Variants in RSPH14 observed in about 807,000 individuals in gnomAD.
The protein encoded by RSPH14 is rhabdoid tumor deletion region gene 1.
In RSPH14, 20 loss-of-function variants were observed where a neutral mutation model predicts 26.7. The observed-to-expected ratio is 0.75, with a 90% CI of 0.53 to 1.09. RSPH14 has a LOEUF of 1.09. Among genes scored for constraint, RSPH14 ranks in the 50% least tolerant of loss-of-function variants. The probability of loss-of-function intolerance (pLI) is 0.00; values close to 1 mark genes in which losing one functional copy is unlikely to be tolerated. For synonymous variants in RSPH14, 177 were observed against 189.3 expected (o/e 0.93, Z 0.53); for missense variants, 449 against 457.2 (o/e 0.98, Z 0.16).
chr22:23,083,922 T>C (rs570282265), intron 4 of RSPH14, among the ~76,000 whole-genome samples: 1 of 152,318 alleles, frequency 6.6e-6, no homozygotes, highest in Admixed American at 6.5e-5. Flanking sequence ...AGGTTCTCCC[T>C]GGGCTTCACA....
At chr22:23,119,070 C>T (rs750261049) in intron 4 of RSPH14, among the ~76,000 whole-genome samples, 36 of 152,238 alleles carry the variant, frequency 2.4e-4, no homozygotes, top group Non-Finnish European at 4.9e-4. Context: ...TTCCCATATG[C>T]ATGCTTGAGT....
chr22:23,158,340 C>T, the RSPH14 span, among the ~76,000 whole-genome samples: 35 of 152,336 alleles, frequency 2.3e-4, no homozygotes, highest in Non-Finnish European at 4.6e-4. Flanking sequence ...GTTGCAAGTC[C>T]GGATACTTTT....
intron 4 of RSPH14, among the ~76,000 whole-genome samples, chr22:23,092,324 G>A (rs1423504748): frequency 1.3e-5 from 2 of 152,118 alleles, no homozygotes; most frequent in African/African-American, 4.8e-5. Context: ...GGCTCCCAAC[G>A]CAAGGCTTCC....
rs1299562460 is a variant in RSPH14 at position 23,140,303 on chromosome 22, G to A, written c.118C>T (p.Leu40Phe). 6.2e-7 allele frequency: 1 copy of A among 1,614,092 alleles called. No individual in the cohort carries two copies. The highest frequency in any genetic ancestry group is 1.3e-5 in the African/African-American group (1 of 74,928). Residue 40 changes from leucine (L) to phenylalanine (F), a missense_variant, in exon 2 of 7, where the codon CTC becomes TTC. Coordinates refer to ENST00000216036, the MANE Select transcript of RSPH14 (RefSeq NM_014433.3). ...ATGAGGGCTTTCTGCCTCGTCTGGA[G>A]GTCCTCTGACTGCAGCTCCTCCTTC... ...KLKEELQSED[L>F]QTRQKALMAL... is the part of the protein sequence containing the mutation.
chr22:23,070,925 G>C (rs1186708011), intron 4 of RSPH14, among the ~76,000 whole-genome samples: 1 of 152,068 alleles, frequency 6.6e-6, no homozygotes, highest in Non-Finnish European at 1.5e-5. Context: ...TGCGGAGCCC[G>C]GGCGGGCCAG....
the RSPH14 span, chr22:23,179,843 C>A: frequency 0.023 from 4,863 of 213,258 alleles, 257 homozygotes; most frequent in African/African-American, 0.11. Flanking sequence ...GTGAGTTGGG[C>A]CCTGCTGGGT....
chr22:23,121,720 CTTTTTTTTTT>C (rs10598505), intron 4 of RSPH14, among the ~76,000 whole-genome samples: 1 of 123,184 alleles, frequency 8.1e-6, no homozygotes, highest in Non-Finnish European at 1.7e-5. Flanking sequence ...AGAAAAGTTC[CTTTTTTTTTT>C]TTTTTTTTTG....
chr22:23,094,244 G>C (rs1180548798), intron 4 of RSPH14, among the ~76,000 whole-genome samples: 1 of 152,144 alleles, frequency 6.6e-6, no homozygotes, highest in African/African-American at 2.4e-5. Context: ...GTGTGAGTTG[G>C]GTGGGGCCTG....
At chr22:23,074,298 CT>C (rs1417357051) in intron 4 of RSPH14, among the ~76,000 whole-genome samples, 1 of 152,204 alleles carries the variant, frequency 6.6e-6, no homozygotes, top group Non-Finnish European at 1.5e-5. Flanking sequence ...GGCAGAGAGG[CT>C]GCTGACCCAG....
chr22:23,102,817 C>T (rs967262682), intron 4 of RSPH14, among the ~76,000 whole-genome samples: 2 of 152,236 alleles, frequency 1.3e-5, no homozygotes, highest in Admixed American at 6.5e-5. Context: ...GTCTCTTCCA[C>T]CATGATGACG....
At chr22:23,101,980 G>A (rs2069314724) in intron 4 of RSPH14, among the ~76,000 whole-genome samples, 2 of 152,222 alleles carry the variant, frequency 1.3e-5, no homozygotes, top group Admixed American at 1.3e-4. Context: ...TCTATGGCCT[G>A]TTATCCTACC....
At chr22:23,126,553 T>C (rs1182106312) in intron 4 of RSPH14, among the ~76,000 whole-genome samples, 1 of 152,218 alleles carries the variant, frequency 6.6e-6, no homozygotes, top group African/African-American at 2.4e-5. Flanking sequence ...GGAAACTCCA[T>C]TGAGCAGCTC....
intron 4 of RSPH14, among the ~76,000 whole-genome samples, chr22:23,121,879 G>A (rs2070039020): frequency 6.6e-6 from 1 of 151,802 alleles, no homozygotes; most frequent in Non-Finnish European, 1.5e-5. Flanking sequence ...CTGCCACCAT[G>A]CCCAGCTAAT....
At chr22:23,093,796 AT>A (rs2069051581) in intron 4 of RSPH14, among the ~76,000 whole-genome samples, 1 of 152,110 alleles carries the variant, frequency 6.6e-6, no homozygotes, top group African/African-American at 2.4e-5. Flanking sequence ...AAGAGGCGGC[AT>A]TAGAGCCTCT....
In RSPH14 at chr22:23,119,805, G is replaced by T. The variant is rs559978098; in HGVS notation, c.421+14221C>A. On this transcript the variant is annotated intron_variant, in intron 4 of 6. Transcript: ENST00000216036. ...CTGCAGGCTTTCCTGACTCCTGCCAGACAGGGCCCAGCCAAGAAACAAGAC... is the reference window on the plus strand; with the variant it reads ...CTGCAGGCTTTCCTGACTCCTGCCATACAGGGCCCAGCCAAGAAACAAGAC... Among the ~76,000 whole-genome samples the T allele has an allele frequency of 4.6e-5, 7 of 152,332 alleles. No individual in the cohort carries two copies. The South Asian group carries it at 1.5e-3, about 32-fold the overall frequency.
At chr22:23,157,260 T>C in the RSPH14 span, among the ~76,000 whole-genome samples, 23 of 152,164 alleles carry the variant, frequency 1.5e-4, no homozygotes, top group African/African-American at 5.5e-4. Context: ...ACAGGTTTTT[T>C]TTTTTTTTGA....
intron 4 of RSPH14, among the ~76,000 whole-genome samples, chr22:23,088,176 G>T (rs189988873): frequency 2.0e-5 from 3 of 152,220 alleles, no homozygotes; most frequent in Non-Finnish European, 4.4e-5. Context: ...TGGCCTGCAG[G>T]TTCCCATACT....
chr22:23,076,018 G>A (rs1198279492), intron 4 of RSPH14, among the ~76,000 whole-genome samples: 1 of 152,210 alleles, frequency 6.6e-6, no homozygotes, highest in Non-Finnish European at 1.5e-5. Flanking sequence ...CCCCGCATCT[G>A]GGCAGCATGG....
chr22:23,080,583 T>C (rs1048658861), intron 4 of RSPH14, among the ~76,000 whole-genome samples: 9 of 152,214 alleles, frequency 5.9e-5, no homozygotes, highest in Admixed American at 4.6e-4. Context: ...GTTGCGGATC[T>C]GCAGGTGCAA....
Sources: allele counts gnomAD v4.1 joint callset (sites outside exome capture counted in the v4.1 genomes callset), GRCh38; gene constraint gnomAD v4.1.1; transcripts MANE v1.5; gene names NCBI Gene and HGNC (gene_info 2026-07-23, HGNC 2026-07-21).